The following MAGI1 variants were observed in gnomAD, a reference collection of about 807,000 sequenced individuals.
MAGI1 encodes the protein membrane-associated guanylate kinase, WW and PDZ domain-containing protein 1.
MAGI1 carries 58 observed loss-of-function variants against 139.9 expected under a neutral mutation model. The observed-to-expected ratio is 0.41, with a 90% CI of 0.34 to 0.52. MAGI1 has a LOEUF of 0.52. Among genes scored for constraint, MAGI1 ranks in the 20% least tolerant of loss-of-function variants. The pLI, the probability that MAGI1 is intolerant of heterozygous loss-of-function variation, is 0.12. For missense variants in MAGI1, 1,874 were observed against 1,901.6 expected, an observed-to-expected ratio of 0.99 and a Z score of 0.27; for synonymous variants, 812 against 737.9, an observed-to-expected ratio of 1.10 and a Z score of -1.63.
rs1478386653 is a variant in MAGI1, at chr3:65,598,763, G to A, written c.430+23209C>T. Among the ~76,000 whole-genome samples the A allele has an allele frequency of 2.6e-5, 4 of 152,252 alleles. No individual in the cohort carries two copies. In the South Asian group the frequency reaches 8.3e-4, roughly 32 times the overall value. ...GGGGAGGCTGGCCTCTGGTGCAGAT[G>A]GTTGGCAAAGCTGCCTCTTTAAAAG... On this transcript the variant is annotated intron_variant, in intron 2 of 22. Coordinates refer to ENST00000402939, the MANE Select transcript of MAGI1 (RefSeq NM_001033057.2).
At chr3:65,596,604 T>C (rs1001936127) in intron 2 of MAGI1, among the ~76,000 whole-genome samples, 6 of 152,200 alleles carry the variant, frequency 3.9e-5, no homozygotes, top group African/African-American at 1.4e-4. Flanking sequence ...ACAAAGTCTA[T>C]ATACCAACAC....
intron 2 of MAGI1, among the ~76,000 whole-genome samples, chr3:65,621,112 C>CA (rs1172307710): frequency 5.3e-5 from 8 of 151,666 alleles, no homozygotes; most frequent in Non-Finnish European, 8.8e-5. Context: ...TTTGCTGGTT[C>CA]AAAAAATGGT....
chr3:65,854,176 TAA>T (rs34812640), intron 1 of MAGI1, among the ~76,000 whole-genome samples: 330 of 139,182 alleles, frequency 2.4e-3, no homozygotes, highest in East Asian at 0.015. Flanking sequence ...TTTAAAGGTT[TAA>T]AAAAAAAAAA....
intron 1 of MAGI1, among the ~76,000 whole-genome samples, chr3:65,908,495 A>C (rs2061528115): frequency 6.6e-6 from 1 of 152,178 alleles, no homozygotes; most frequent in African/African-American, 2.4e-5. Context: ...CATCTTGGCC[A>C]GGCTGGTCTT....
chr3:65,966,727 C>T (rs946710703), intron 1 of MAGI1, among the ~76,000 whole-genome samples: 2 of 152,146 alleles, frequency 1.3e-5, no homozygotes, highest in African/African-American at 4.8e-5. Context: ...TGTTCATCTG[C>T]AAGTGGGGAT....
intron 1 of MAGI1, among the ~76,000 whole-genome samples, chr3:65,922,526 C>T (rs963568196): frequency 2.6e-5 from 4 of 152,128 alleles, no homozygotes; most frequent in African/African-American, 9.7e-5. Flanking sequence ...CTGGAAACCA[C>T]CAGAAGCTAG....
chr3:65,685,660 C>T (rs577577689), intron 1 of MAGI1, among the ~76,000 whole-genome samples: 1 of 152,230 alleles, frequency 6.6e-6, no homozygotes, highest in African/African-American at 2.4e-5. Flanking sequence ...AAAACTCACC[C>T]TACATATTGC....
At chr3:65,871,122 G>C (rs1272640943) in intron 1 of MAGI1, among the ~76,000 whole-genome samples, 1 of 151,938 alleles carries the variant, frequency 6.6e-6, no homozygotes, top group East Asian at 1.9e-4. Context: ...ATTTTTTCTA[G>C]AGATGGTGTC....
At chr3:65,438,910 G>A (rs761918439) in intron 9 of MAGI1, among the ~76,000 whole-genome samples, 19 of 152,186 alleles carry the variant, frequency 1.2e-4, no homozygotes, top group Non-Finnish European at 2.4e-4. Flanking sequence ...TTTAAATCAC[G>A]AAGCCTAAAA....
chr3:65,363,661 C>T, intron 20 of MAGI1, 53 bp from the exon 21 acceptor site: 1 of 1,527,012 alleles, frequency 6.5e-7, no homozygotes. Flanking sequence ...ATCCATAGGA[C>T]TCTTCCTAAA....
intron 22 of MAGI1, chr3:65,359,978 A>G (rs1330343472): frequency 1.0e-6 from 1 of 985,288 alleles, no homozygotes; most frequent in Non-Finnish European, 1.2e-6. Context: ...GTGCACAGCC[A>G]CGGCATCTTA....
chr3:65,661,149 G>T (rs1446993804), intron 1 of MAGI1, among the ~76,000 whole-genome samples: 1 of 152,128 alleles, frequency 6.6e-6, no homozygotes, highest in Non-Finnish European at 1.5e-5. Context: ...TCACAGGATG[G>T]TGTATAACTA....
intron 3 of MAGI1, among the ~76,000 whole-genome samples, chr3:65,480,633 T>G (rs958471031): frequency 3.4e-5 from 5 of 146,958 alleles, no homozygotes; most frequent in African/African-American, 1.3e-4. Flanking sequence ...TCACCCAGGC[T>G]GGAGTGCAAT....
chr3:65,456,564 G>A (rs978228867), intron 5 of MAGI1, among the ~76,000 whole-genome samples: 3 of 151,612 alleles, frequency 2.0e-5, no homozygotes, highest in African/African-American at 4.8e-5. Flanking sequence ...TCTTTCTCAG[G>A]GATCTTGCTT....
At chr3:65,735,706 A>C (rs1019451729) in intron 1 of MAGI1, among the ~76,000 whole-genome samples, 2 of 152,166 alleles carry the variant, frequency 1.3e-5, no homozygotes, top group Non-Finnish European at 2.9e-5. Context: ...CAAAAAGAAA[A>C]GCAACATGTG....
At chr3:65,836,589 G>C (rs2042816800) in intron 1 of MAGI1, among the ~76,000 whole-genome samples, 1 of 150,034 alleles carries the variant, frequency 6.7e-6, no homozygotes, top group South Asian at 2.1e-4. Flanking sequence ...GGGAGGCTGA[G>C]GCGGGTGGAT....
chr3:65,941,563 A>G (rs962072790), intron 1 of MAGI1, among the ~76,000 whole-genome samples: 1 of 152,102 alleles, frequency 6.6e-6, no homozygotes. Flanking sequence ...ACAACCAAAA[A>G]TAAGTCTAGA....
intron 4 of MAGI1, among the ~76,000 whole-genome samples, chr3:65,471,383 T>C (rs796299525): frequency 5.9e-5 from 9 of 152,318 alleles, no homozygotes; most frequent in African/African-American, 2.2e-4. Context: ...AGTAATTCTG[T>C]AGACATTTCT....
At chr3:65,935,060 G>A (rs573723784) in intron 1 of MAGI1, among the ~76,000 whole-genome samples, 4 of 152,238 alleles carry the variant, frequency 2.6e-5, no homozygotes, top group South Asian at 2.1e-4. Flanking sequence ...GGAACTATTC[G>A]ATCAAAGAAG....
Sources: allele counts gnomAD v4.1 joint callset (sites outside exome capture counted in the v4.1 genomes callset), GRCh38; gene constraint gnomAD v4.1.1; transcripts MANE v1.5; gene names NCBI Gene and HGNC (gene_info 2026-07-23, HGNC 2026-07-21).